ANKRD31: variants seen among roughly 807,000 people sequenced by gnomAD.
ANKRD31 encodes ankyrin repeat domain 31.
ANKRD31 carries 147 observed loss-of-function variants against 186.0 expected under a neutral mutation model. The ratio of observed to expected loss-of-function variants is 0.79; its 90% CI spans 0.69 to 0.91. ANKRD31 has a LOEUF of 0.91. ANKRD31 is among the 40% of genes least tolerant of loss of function. ANKRD31 has a pLI of 0.00. For missense variants in ANKRD31, 1,986 were observed against 2,148.8 expected (o/e 0.92, Z 1.50); for synonymous variants, 673 against 736.4 (o/e 0.91, Z 1.39).
intron 11 of ANKRD31, among the ~76,000 whole-genome samples, chr5:75,168,642 C>G (rs1753094402): frequency 6.6e-6 from 1 of 152,058 alleles, no homozygotes; most frequent in South Asian, 2.1e-4. Flanking sequence ...CCTATCAGGA[C>G]TGGACATAAC....
intron 25 of ANKRD31, among the ~76,000 whole-genome samples, chr5:75,079,003 ATT>A (rs1461166752): frequency 2.0e-5 from 3 of 152,200 alleles, no homozygotes; most frequent in Admixed American, 6.5e-5. Flanking sequence ...ACAGAATTTC[ATT>A]TTTAAAGGTT....
chr5:75,232,947 T>G (rs930496268), intron 1 of ANKRD31, among the ~76,000 whole-genome samples: 4 of 152,174 alleles, frequency 2.6e-5, no homozygotes, highest in African/African-American at 7.2e-5. Context: ...TTAAAATAAT[T>G]CTTGTCTTCC....
intron 17 of ANKRD31, among the ~76,000 whole-genome samples, chr5:75,131,909 G>A (rs1397957709): frequency 6.6e-6 from 1 of 152,160 alleles, no homozygotes; most frequent in Non-Finnish European, 1.5e-5. Context: ...GGTCTGGAGT[G>A]GAACTCCAGC....
intron 2 of ANKRD31, among the ~76,000 whole-genome samples, chr5:75,224,161 G>GTATA (rs1166396416): frequency 2.8e-5 from 1 of 36,126 alleles, no homozygotes; most frequent in Non-Finnish European, 5.1e-5. Flanking sequence ...ATATATATAT[G>GTATA]TATATATATA....
intron 25 of ANKRD31, 50 bp downstream of exon 25, chr5:75,080,518 C>A: frequency 7.7e-7 from 1 of 1,297,658 alleles, no homozygotes; most frequent in Non-Finnish European, 1.1e-6. Flanking sequence ...TATGTAGAAT[C>A]TAAACACTTA....
intron 22 of ANKRD31, among the ~76,000 whole-genome samples, chr5:75,093,462 A>G (rs1746090132): frequency 6.6e-6 from 1 of 152,152 alleles, no homozygotes; most frequent in Non-Finnish European, 1.5e-5. Context: ...AGCCTGGGCA[A>G]CAAGACCAAA....
At chr5:75,161,643 T>G (rs1050522755) in intron 11 of ANKRD31, among the ~76,000 whole-genome samples, 2 of 152,112 alleles carry the variant, frequency 1.3e-5, no homozygotes, top group Non-Finnish European at 2.9e-5. Flanking sequence ...ATGACAGAGA[T>G]CTTCACAGCA....
intron 11 of ANKRD31, among the ~76,000 whole-genome samples, chr5:75,161,072 A>C (rs1225422659): frequency 6.6e-6 from 1 of 152,194 alleles, no homozygotes; most frequent in African/African-American, 2.4e-5. Flanking sequence ...TGCTGCTGAA[A>C]AGATACCTGA....
chr5:75,146,413 G>C lies in ANKRD31; in HGVS notation c.2998C>G (p.His1000Asp). 6.5e-7 allele frequency: 1 copy of C among 1,536,468 alleles called. No homozygotes were observed. The highest frequency in any genetic ancestry group is 8.7e-7 in the Non-Finnish European group (1 of 1,146,452). ...TTTTGCTCAGGATTGCCATTTGAGTGATCAAAAGAAGGTCCAAATATGCAT... is the reference window on the plus strand; with the variant it reads ...TTTTGCTCAGGATTGCCATTTGAGTCATCAAAAGAAGGTCCAAATATGCAT... ...EQCIFGPSFD[H>D]SNGNPEQNSL... The change falls in exon 14 of 26, where the codon CAC (histidine) becomes GAC (aspartate). Residue 1000 changes from histidine to aspartate, a missense_variant. Coordinates refer to ENST00000506364, the MANE Select transcript of ANKRD31 (RefSeq NM_001372053.1).
intron 17 of ANKRD31, among the ~76,000 whole-genome samples, chr5:75,128,012 G>A (rs1195674712): frequency 6.6e-6 from 1 of 152,148 alleles, no homozygotes; most frequent in Non-Finnish European, 1.5e-5. Flanking sequence ...ATTTTATCAT[G>A]TCATATGAAA....
At chr5:75,081,188 T>G (rs938946628) in intron 24 of ANKRD31, among the ~76,000 whole-genome samples, 1 of 152,194 alleles carries the variant, frequency 6.6e-6, no homozygotes, top group Non-Finnish European at 1.5e-5. Context: ...TGCCTATAGA[T>G]TCTTAGGTCC....
At chr5:75,190,629 T>A (rs988232182) in intron 9 of ANKRD31, among the ~76,000 whole-genome samples, 7 of 151,778 alleles carry the variant, frequency 4.6e-5, no homozygotes, top group African/African-American at 1.7e-4. Flanking sequence ...GTGTGTGTAT[T>A]TTTTTTTCTG....
In ANKRD31 at chr5:75,146,712, T is replaced by C. The variant is rs1475407817; in HGVS notation, c.2699A>G (p.Asn900Ser). Reference protein sequence around the residue: ...FLSFVKENSDNDDDDDCSTSE... With the variant: ...FLSFVKENSDSDDDDDCSTSE... ...GGTAGAGCAATCATCATCATCATCA[T>C]TATCAGAATTTTCCTTTACAAAGGA... is the stretch of plus-strand genomic sequence containing the variant. The change falls in exon 14 of 26, where the codon AAT becomes AGT. Residue 900 changes from asparagine (N) to serine (S), a missense_variant. Transcript: ENST00000506364. 8 of 1,535,870 alleles carry C rather than the reference T, an allele frequency of 5.2e-6. No individual in the cohort carries two copies. The highest frequency in any genetic ancestry group is 7.0e-6 in the Non-Finnish European group (8 of 1,145,962).
Position 75,104,317 on chromosome 5 carries a change from C to A in ANKRD31, c.5242G>T (p.Ala1748Ser), listed in dbSNP as rs746746627. The A allele has an allele frequency of 6.5e-7, 1 of 1,537,016 alleles. No individual in the cohort carries two copies. The highest frequency in any genetic ancestry group is 1.2e-5 in the South Asian group (1 of 84,026). ...ATCTGAATACATTTCTTTTTAGGAGCTGTACTGTAGTTTAAAGCCTTTTTT... is the reference window on the plus strand; with the variant it reads ...ATCTGAATACATTTCTTTTTAGGAGATGTACTGTAGTTTAAAGCCTTTTTT... ...TIKKALNYST[A>S]PKKKCIQIKD... Residue 1748 changes from alanine (A) to serine (S), a missense_variant, in exon 22 of 26, where the codon GCT (alanine) becomes TCT (serine). Transcript: ENST00000506364.
At chr5:75,200,304 T>TA (rs922568443) in intron 5 of ANKRD31, among the ~76,000 whole-genome samples, 6 of 151,216 alleles carry the variant, frequency 4.0e-5, no homozygotes, top group African/African-American at 1.2e-4. Flanking sequence ...TTTCTTTTTT[T>TA]TTTTTTTCTT....
intron 5 of ANKRD31, among the ~76,000 whole-genome samples, chr5:75,200,861 G>A (rs997616717): frequency 1.7e-4 from 25 of 150,776 alleles, no homozygotes; most frequent in Non-Finnish European, 3.0e-4. Flanking sequence ...GCAGTGAGCC[G>A]CGATTACACC....
intron 11 of ANKRD31, among the ~76,000 whole-genome samples, chr5:75,160,296 T>A (rs1432273904): frequency 6.6e-6 from 1 of 152,064 alleles, no homozygotes; most frequent in East Asian, 1.9e-4. Context: ...TCTGATAACT[T>A]AAGAAGCCCT....
chr5:75,116,542 CA>C, intron 19 of ANKRD31, 23 bp downstream of exon 19: 1 of 1,322,958 alleles, frequency 7.6e-7, no homozygotes, highest in Non-Finnish European at 9.8e-7. Context: ...AGATGAAGAA[CA>C]AAGTAATTTT....
chr5:75,165,698 A>T (rs192139800), intron 11 of ANKRD31, among the ~76,000 whole-genome samples: 75 of 152,328 alleles, frequency 4.9e-4, no homozygotes, highest in Admixed American at 9.2e-4. Context: ...AATAAGCTAA[A>T]CAATACCACA....
Sources: allele counts gnomAD v4.1 joint callset (sites outside exome capture counted in the v4.1 genomes callset), GRCh38; gene constraint gnomAD v4.1.1; transcripts MANE v1.5; gene names NCBI Gene and HGNC (gene_info 2026-07-23, HGNC 2026-07-21).